Variants in PLCG2 observed in about 807,000 individuals in gnomAD.
PLCG2 encodes the protein phospholipase C gamma 2.
In PLCG2, 69 loss-of-function variants were observed where a neutral mutation model predicts 175.6. That is an observed-to-expected ratio of 0.39 (90% CI 0.32 to 0.48). The LOEUF (loss-of-function observed/expected upper bound fraction) is 0.48. PLCG2 is among the 20% of genes least tolerant of loss of function. The pLI is 0.91. For synonymous variants in PLCG2, 827 were observed against 624.0 expected (o/e 1.33, Z -4.85); for missense variants, 1,798 against 1,650.9 (o/e 1.09, Z -1.54).
At chr16:81,892,225 C>A (rs1196074690) in intron 11 of PLCG2, among the ~76,000 whole-genome samples, 1 of 152,190 alleles carries the variant, frequency 6.6e-6, no homozygotes, top group Non-Finnish European at 1.5e-5. Flanking sequence ...GAAGGCAGGT[C>A]CTGCTGGAGC....
intron 2 of PLCG2, among the ~76,000 whole-genome samples, chr16:81,839,374 T>G (rs1307265381): frequency 2.0e-5 from 3 of 152,080 alleles, no homozygotes; most frequent in Non-Finnish European, 4.4e-5. Flanking sequence ...AATCTCTATA[T>G]AGTCTTTGTA....
intron 18 of PLCG2, among the ~76,000 whole-genome samples, chr16:81,911,017 C>G (rs1475111109): frequency 6.6e-6 from 1 of 152,030 alleles, no homozygotes; most frequent in Non-Finnish European, 1.5e-5. Flanking sequence ...TGGGGATATT[C>G]TCTTACCTTT....
chr16:81,864,329 C>T (rs933420184), intron 5 of PLCG2, among the ~76,000 whole-genome samples: 4 of 152,168 alleles, frequency 2.6e-5, no homozygotes, highest in Non-Finnish European at 4.4e-5. Context: ...GTGGCCATTT[C>T]AACAAAACAA....
chr16:81,790,215 G>A (rs1429061689), intron 2 of PLCG2, among the ~76,000 whole-genome samples: 1 of 152,192 alleles, frequency 6.6e-6, no homozygotes, highest in African/African-American at 2.4e-5. Context: ...CAGGATGTTT[G>A]CTGTTGTTGC....
chr16:81,953,342 T>C (rs1362788068), intron 31 of PLCG2, among the ~76,000 whole-genome samples: 1 of 152,206 alleles, frequency 6.6e-6, no homozygotes, highest in African/African-American at 2.4e-5. Context: ...TGTACTGTGG[T>C]TGTGCGAGAT....
At chr16:81,759,768 C>G (rs1375748360) in intron 2 of PLCG2, among the ~76,000 whole-genome samples, 1 of 152,246 alleles carries the variant, frequency 6.6e-6, no homozygotes, top group Non-Finnish European at 1.5e-5. Context: ...ACCCATTGCA[C>G]TGAGCACTTG....
intron 8 of PLCG2, among the ~76,000 whole-genome samples, chr16:81,882,636 T>C (rs1162382548): frequency 5.3e-5 from 8 of 152,190 alleles, no homozygotes; most frequent in Admixed American, 3.9e-4. Flanking sequence ...CCCTCGCTCC[T>C]ACTCCTCTTT....
intron 1 of PLCG2, among the ~76,000 whole-genome samples, chr16:81,754,712 G>C (rs1182683281): frequency 6.6e-6 from 1 of 151,544 alleles, no homozygotes; most frequent in Non-Finnish European, 1.5e-5. Context: ...AATGTCAAAG[G>C]CCTGTCTGAA....
chr16:81,902,968 A>G (rs1909215481), intron 14 of PLCG2, among the ~76,000 whole-genome samples: 1 of 152,142 alleles, frequency 6.6e-6, no homozygotes, highest in South Asian at 2.1e-4. Flanking sequence ...CGCCCCCATG[A>G]TTCAATTACC....
chr16:81,770,866 G>T (rs1023667530), intron 2 of PLCG2, among the ~76,000 whole-genome samples: 2 of 151,998 alleles, frequency 1.3e-5, no homozygotes, highest in Admixed American at 6.6e-5. Flanking sequence ...AGACCATCCT[G>T]GCTAACACGG....
intron 2 of PLCG2, chr16:81,798,968 A>C (rs1161610658): frequency 6.6e-6 from 1 of 152,390 alleles, no homozygotes; most frequent in Non-Finnish European, 1.5e-5. Flanking sequence ...CCAGTGGGAA[A>C]AGCCCCTACA....
At chr16:81,811,932 G>A (rs1281512708) in intron 2 of PLCG2, among the ~76,000 whole-genome samples, 2 of 151,912 alleles carry the variant, frequency 1.3e-5, no homozygotes, top group Non-Finnish European at 1.5e-5. Flanking sequence ...CTAGATCCTC[G>A]AGGAATTGCA....
intron 12 of PLCG2, among the ~76,000 whole-genome samples, chr16:81,894,892 A>G (rs981457662): frequency 6.6e-6 from 1 of 152,118 alleles, no homozygotes; most frequent in Admixed American, 6.5e-5. Flanking sequence ...AAAATAAAAA[A>G]TAAATAAATA....
intron 21 of PLCG2, 124 bp downstream of exon 21, chr16:81,921,393 T>A: frequency 5.0e-6 from 3 of 603,966 alleles, no homozygotes; most frequent in Non-Finnish European, 9.2e-6. Flanking sequence ...CCAAAATAAT[T>A]TTTTTTTTTT....
chr16:81,804,331 A>T (rs1911894808), intron 2 of PLCG2, among the ~76,000 whole-genome samples: 1 of 152,218 alleles, frequency 6.6e-6, no homozygotes, highest in Admixed American at 6.5e-5. Context: ...TTGATGTAAT[A>T]ATTTCCTTCT....
At chr16:81,836,081 A>G (rs539496219) in intron 2 of PLCG2, among the ~76,000 whole-genome samples, 7 of 152,322 alleles carry the variant, frequency 4.6e-5, no homozygotes, top group Admixed American at 2.0e-4. Context: ...AACCCCCAAC[A>G]TTACCCGTTT....
At chr16:81,830,191 G>GTA (rs1905204301) in intron 2 of PLCG2, among the ~76,000 whole-genome samples, 1 of 151,986 alleles carries the variant, frequency 6.6e-6, no homozygotes, top group African/African-American at 2.4e-5. Flanking sequence ...ATGTTGGCAC[G>GTA]CATCTGTGGT....
chr16:81,868,553 A>T (rs547578504), intron 5 of PLCG2, among the ~76,000 whole-genome samples: 121 of 152,204 alleles, frequency 7.9e-4, no homozygotes, highest in African/African-American at 2.8e-3. Context: ...TTGTTCATCC[A>T]TTCATGTGTG....
rs7194366 is a variant in PLCG2 at position 81,823,288 on chromosome 16, C to T, written c.194-31156C>T. Among the ~76,000 whole-genome samples, 937 of 152,254 alleles carry T rather than the reference C, an allele frequency of 6.2e-3. 9 individuals are homozygous for T. The highest frequency in any genetic ancestry group is 0.024 in the Middle Eastern group (7 of 294). ...CAGGCCTCTGGTGAGCCCCTGTGGC[C>T]GGGGCAGCTGCAGCAGAGAGGCTTC... On this transcript the variant is annotated intron_variant, in intron 2 of 32. Coordinates refer to ENST00000564138, the MANE Select transcript of PLCG2 (RefSeq NM_002661.5).
Sources: gnomAD v4.1 joint callset for allele counts (sites outside exome capture counted in the v4.1 genomes callset) on GRCh38, gnomAD v4.1.1 for gene constraint, MANE v1.5 for transcripts, NCBI Gene and HGNC (gene_info 2026-07-23, HGNC 2026-07-21) for gene names.